The following ATP6V0A1 variants were observed in gnomAD, a reference collection of about 807,000 sequenced individuals.
The protein encoded by ATP6V0A1 is V-type proton ATPase 116 kDa subunit a 1.
In ATP6V0A1, 43 loss-of-function variants were observed where a neutral mutation model predicts 105.4. The ratio of observed to expected loss-of-function variants is 0.41; its 90% confidence interval spans 0.32 to 0.53. ATP6V0A1 has a LOEUF of 0.53. Among genes scored for constraint, ATP6V0A1 ranks in the 20% least tolerant of loss-of-function variants. The probability of loss-of-function intolerance (pLI) is 0.30; values close to 1 mark genes in which losing one functional copy is unlikely to be tolerated. For missense variants in ATP6V0A1, 676 were observed against 1,051.1 expected (o/e 0.64, Z 4.93); for synonymous variants, 362 against 372.8 (o/e 0.97, Z 0.33).
At position 42,487,251 on chromosome 17, in the gene ATP6V0A1, A is replaced by C; in HGVS notation, c.907A>C (p.Ile303Leu). The change falls in exon 10 of 22, where the codon ATC (isoleucine) becomes CTC (leucine). Residue 303 changes from isoleucine to leucine, a missense_variant. Physicochemically the swap from Ile to Leu is conservative, Grantham distance 5. Transcript: ENST00000343619. ...WFIKVRKMKA[I>L]YHTLNLCNID... Reference sequence around the variant, plus strand: ...CATCAAAGTGCGGAAGATGAAGGCCATCTATCACACCCTGAACCTGTGCAA... The same window carrying C: ...CATCAAAGTGCGGAAGATGAAGGCCCTCTATCACACCCTGAACCTGTGCAA... 6.2e-7 allele frequency: 1 copy of C among 1,614,236 alleles called. No homozygotes were observed. The highest frequency in any genetic ancestry group is 8.5e-7 in the Non-Finnish European group (1 of 1,180,038).
At chr17:42,502,374 T>A (rs562939635) in intron 17 of ATP6V0A1, among the ~76,000 whole-genome samples, 1 of 152,352 alleles carries the variant, frequency 6.6e-6, no homozygotes, top group South Asian at 2.1e-4. Flanking sequence ...GTGATAACTT[T>A]CACTGACCAA....
At chr17:42,501,509 G>A (rs1015127160) in intron 17 of ATP6V0A1, among the ~76,000 whole-genome samples, 2 of 152,018 alleles carry the variant, frequency 1.3e-5, no homozygotes, top group African/African-American at 2.4e-5. Flanking sequence ...CCACCTCCCA[G>A]GTTCAAGCAA....
intron 18 of ATP6V0A1, among the ~76,000 whole-genome samples, 154 bp from the exon 19 acceptor site, chr17:42,508,418 G>A (rs2092156776): frequency 6.6e-6 from 1 of 152,134 alleles, no homozygotes. Flanking sequence ...TGCTGATTTC[G>A]CTTTGTGTAT....
chr17:42,494,277 G>T, intron 11 of ATP6V0A1, 57 bp from the exon 12 acceptor site: 1 of 1,481,636 alleles, frequency 6.7e-7, no homozygotes, highest in Non-Finnish European at 9.2e-7. Context: ...TGTAATATTT[G>T]TGGAATTGCT....
intron 5 of ATP6V0A1, among the ~76,000 whole-genome samples, chr17:42,474,133 G>A (rs2088387882): frequency 6.6e-6 from 1 of 151,932 alleles, no homozygotes; most frequent in Admixed American, 6.6e-5. Flanking sequence ...CTCCCGAGCA[G>A]CTGTGACTAT....
chr17:42,520,779 T>C (rs766301340), intron 21 of ATP6V0A1: 20 of 497,990 alleles, frequency 4.0e-5, no homozygotes, highest in Non-Finnish European at 7.0e-5. Flanking sequence ...GAGTTGTGCA[T>C]AAACACACTG....
intron 9 of ATP6V0A1, among the ~76,000 whole-genome samples, chr17:42,484,843 T>C (rs2089939350): frequency 8.7e-6 from 1 of 115,118 alleles, no homozygotes. Context: ...TTCTTTTTTC[T>C]TTTCTTTTCT....
intron 21 of ATP6V0A1, among the ~76,000 whole-genome samples, chr17:42,517,326 A>G (rs1386145049): frequency 6.6e-6 from 1 of 152,096 alleles, no homozygotes; most frequent in East Asian, 1.9e-4. Flanking sequence ...GGGATGCCCT[A>G]GAGAGAGGGT....
chr17:42,519,461 A>C (rs1396743811), intron 21 of ATP6V0A1: 2 of 152,252 alleles, frequency 1.3e-5, no homozygotes, highest in African/African-American at 4.8e-5. Flanking sequence ...GTATTGTTGA[A>C]TGAAAAGGGG....
At position 42,513,986 on chromosome 17, in the gene ATP6V0A1, CCT is replaced by C; in HGVS notation, c.2248+14_2248+15del. ...TCAGCCTCGCTCATGCGCGTGAGTACCTCTCTCCGGGCTCCGGAACTCTAGTT... is the reference window on the plus strand; with the variant it reads ...TCAGCCTCGCTCATGCGCGTGAGTACCTCTCCGGGCTCCGGAACTCTAGTT... On this transcript the variant is annotated intron_variant, in intron 20 of 21. Coordinates refer to ENST00000343619, the MANE Select transcript of ATP6V0A1 (RefSeq NM_001130021.3). The C allele has an allele frequency of 6.2e-7, 1 of 1,611,424 alleles. No homozygotes were observed. Among genetic ancestry groups the C allele is most frequent in the Non-Finnish European group, 8.5e-7 (1 of 1,177,582 alleles).
chr17:42,513,787 G>C, intron 19 of ATP6V0A1, 74 bp from the exon 20 acceptor site: 2 of 1,426,474 alleles, frequency 1.4e-6, no homozygotes, highest in Middle Eastern at 1.8e-4. Flanking sequence ...AAAGCGCCAA[G>C]TAGCCACAAC....
chr17:42,514,028 C>A, intron 20 of ATP6V0A1, 50 bp downstream of exon 20: 1 of 1,557,314 alleles, frequency 6.4e-7, no homozygotes, highest in Non-Finnish European at 8.9e-7. Context: ...CCTCTGTGGG[C>A]GCACTGTCAG....
chr17:42,477,865 T>G, intron 6 of ATP6V0A1, 123 bp downstream of exon 6: 1 of 776,676 alleles, frequency 1.3e-6, no homozygotes, highest in Non-Finnish European at 2.0e-6. Context: ...CCTATTGAGA[T>G]AGTCCTACAA....
At position 42,476,831 on chromosome 17, in the gene ATP6V0A1, C is replaced by G. The variant is rs114214112; in HGVS notation, c.424-829C>G. 4.5e-4 allele frequency among the ~76,000 whole-genome samples: 69 copies of G among 152,230 alleles called. 1 individual carries two copies. The highest frequency in any genetic ancestry group is 1.6e-3 in the African/African-American group (67 of 41,534). ...TGTTTTTCCTTCACTTTACTTGATT[C>G]TTGAGCTGTGTTCTCAAGAATCCTA... On this transcript the variant is annotated intron_variant, in intron 5 of 21. Transcript: ENST00000343619.
At position 42,521,944 on chromosome 17, in the gene ATP6V0A1, C is replaced by T. The variant is rs2092840830; in HGVS notation, c.*824C>T. The T allele has an allele frequency of 6.6e-6, 1 of 152,562 alleles. No individual in the cohort carries two copies. Among genetic ancestry groups the T allele is most frequent in the African/African-American group, 2.4e-5 (1 of 41,446 alleles). 9.5% of individuals were successfully genotyped at this position (152,562 alleles called of 1,614,324 possible). On this transcript the variant is annotated 3_prime_UTR_variant, in exon 22 of 22. Coordinates refer to ENST00000343619, the MANE Select transcript of ATP6V0A1 (RefSeq NM_001130021.3). The surrounding 1 kb of genome is among the most constrained non-coding windows in gnomAD (Gnocchi z 4.8). ...CGAGGGTGCAGACTGATGCTCTTCC[C>T]TGATGGAGACCCTGAGATCTTCCCC... is the stretch of plus-strand genomic sequence containing the variant.
Position 42,495,126 on chromosome 17 carries a change from C to T in ATP6V0A1, c.1407C>T (p.Ser469=). 6.2e-7 allele frequency: 1 copy of T among 1,614,024 alleles called. No individual in the cohort carries two copies. Among genetic ancestry groups the T allele is most frequent in the Non-Finnish European group, 8.5e-7 (1 of 1,179,944 alleles). ...GCCTCATCTACAATGATTGCTTTTCCAAGTCTCTTAATATCTTTGGGTCAT... is the reference window on the plus strand; with the variant it reads ...GCCTCATCTACAATGATTGCTTTTCTAAGTCTCTTAATATCTTTGGGTCAT... ...YTGLIYNDCF[S]KSLNIFGSSW... is the part of the protein sequence containing the mutation. Residue 469 remains serine (S), a synonymous_variant, in exon 13 of 22, where the codon TCC becomes TCT. Coordinates refer to ENST00000343619, the MANE Select transcript of ATP6V0A1 (RefSeq NM_001130021.3).
chr17:42,471,009 G>C (rs935525974), intron 5 of ATP6V0A1: 4 of 152,148 alleles, frequency 2.6e-5, no homozygotes, highest in Non-Finnish European at 5.9e-5. Flanking sequence ...TGTAATCCCA[G>C]CTACTCGAGA....
intron 5 of ATP6V0A1, among the ~76,000 whole-genome samples, chr17:42,474,373 G>T (rs1175663201): frequency 6.6e-6 from 1 of 151,832 alleles, no homozygotes; most frequent in African/African-American, 2.4e-5. Flanking sequence ...CAAGACCGTG[G>T]CTATGAGAGG....
rs980348829 is a variant in ATP6V0A1, at chr17:42,460,892, A to G, written c.-3A>G. On this transcript the variant is annotated 5_prime_UTR_variant, in exon 2 of 22. Coordinates refer to ENST00000343619, the MANE Select transcript of ATP6V0A1 (RefSeq NM_001130021.3). ...ACTCACTAGACTGGTACCTTCTGCCACCATGGGGGAGCTTTTCCGGAGTGA... is the reference window on the plus strand; with the variant it reads ...ACTCACTAGACTGGTACCTTCTGCCGCCATGGGGGAGCTTTTCCGGAGTGA... 1 of 1,612,042 alleles carries G rather than the reference A, an allele frequency of 6.2e-7. No homozygotes were observed. The highest frequency in any genetic ancestry group is 1.3e-5 in the African/African-American group (1 of 74,966).
Sources: gnomAD v4.1 joint callset for allele counts (sites outside exome capture counted in the v4.1 genomes callset) on GRCh38, gnomAD v4.1.1 for gene constraint, Gnocchi (gnomAD v3.1) non-coding constraint, MANE v1.5 for transcripts, NCBI Gene and HGNC (gene_info 2026-07-23, HGNC 2026-07-21) for gene names.